KIF1A: variants seen among roughly 807,000 people sequenced by gnomAD.
KIF1A encodes kinesin family member 1A.
Under a neutral mutation model 227.3 loss-of-function variants are expected in KIF1A, and 46 were observed. The observed-to-expected ratio is 0.20, with a 90% CI of 0.16 to 0.26. The LOEUF is 0.26. Ranked by LOEUF, KIF1A falls within the 10% of genes least tolerant of loss-of-function variation. KIF1A has a pLI of 1.00. For synonymous variants in KIF1A, 1,022 were observed against 1,012.8 expected (o/e 1.01, Z -0.17); for missense variants, 1,683 against 2,485.9 (o/e 0.68, Z 6.87).
In KIF1A at chr2:240,797,762, C is replaced by A. The variant is rs2056564637; in HGVS notation, c.-10G>T. 3 of 1,590,822 alleles carry A rather than the reference C, an allele frequency of 1.9e-6. No individual in the cohort carries two copies. Among genetic ancestry groups the A allele is most frequent in the Non-Finnish European group, 2.6e-6 (3 of 1,164,284 alleles). On this transcript the variant is annotated 5_prime_UTR_variant, in exon 2 of 49. It adds an upstream start codon to the 5' untranslated region. Coordinates refer to ENST00000498729, the MANE Select transcript of KIF1A (RefSeq NM_001244008.2). The stretch of plus-strand genomic sequence containing the variant: ...CCGAAGCCCCGGCCATCTCTGTGGC[C>A]TTCGTGGGTCACTCCTCGCAGTAGT...
intron 1 of KIF1A, among the ~76,000 whole-genome samples, chr2:240,802,694 T>C (rs1028856451): frequency 3.3e-5 from 5 of 152,228 alleles, no homozygotes; most frequent in African/African-American, 1.2e-4. Flanking sequence ...TTCAGTGGCA[T>C]GATCTTAGCT....
rs569548781 is a variant in KIF1A, at chr2:240,721,925, C to T, written c.4666-41G>A. On this transcript the variant is annotated intron_variant, in intron 43 of 48. Transcript: ENST00000498729. The stretch of plus-strand genomic sequence containing the variant: ...ACGCGTGGTCAGGGGCCAGGCCTCC[C>T]GGGACCCTGCTCAGACAGCCTTGCA... 1.8e-5 allele frequency: 28 copies of T among 1,527,996 alleles called. No homozygotes were observed. The South Asian group carries it at 2.3e-4, about 13-fold the overall frequency. 94.7% of individuals were successfully genotyped at this position (1,527,996 alleles called of 1,614,324 possible).
At chr2:240,819,837 G>T (rs567942388) in intron 1 of KIF1A, among the ~76,000 whole-genome samples, 2 of 152,296 alleles carry the variant, frequency 1.3e-5, no homozygotes, top group African/African-American at 4.8e-5. Flanking sequence ...CGCCTAAGCC[G>T]AGGGTCCCGC....
In KIF1A at chr2:240,726,985, T is replaced by C; in HGVS notation, c.4008-45A>G. 2.5e-6 allele frequency: 3 copies of C among 1,213,252 alleles called. No homozygotes were observed. Among genetic ancestry groups the C allele is most frequent in the South Asian group, 1.3e-5 (1 of 75,662 alleles). 75.2% of individuals were successfully genotyped at this position (1,213,252 alleles called of 1,614,324 possible). On this transcript the variant is annotated intron_variant, in intron 38 of 48. Transcript: ENST00000498729. The surrounding 1 kb of genome is among the most constrained non-coding windows in gnomAD (Gnocchi z 5.2). ...AAGTAGAAGTTGATGGCGTGGGGGC[T>C]GCTTTCAGCCAGGCCGGGGACATGC...
Position 240,725,227 on chromosome 2 carries a change from G to T in KIF1A, c.4256+44C>A. The T allele has an allele frequency of 6.4e-7, 1 of 1,563,612 alleles. No homozygotes were observed. Among genetic ancestry groups the T allele is most frequent in the South Asian group, 1.2e-5 (1 of 85,286 alleles). Reference sequence around the variant, plus strand: ...CAGAGCCCTGCCTGGCCCGCACCGAGACCAGGGTGGGAGTCCATGTGGTCC... The same window carrying T: ...CAGAGCCCTGCCTGGCCCGCACCGATACCAGGGTGGGAGTCCATGTGGTCC... On this transcript the variant is annotated intron_variant, in intron 40 of 48. Coordinates refer to ENST00000498729, the MANE Select transcript of KIF1A (RefSeq NM_001244008.2). The surrounding 1 kb of genome is among the most constrained non-coding windows in gnomAD (Gnocchi z 5.8).
intron 8 of KIF1A, among the ~76,000 whole-genome samples, chr2:240,783,451 G>A (rs1338731364): frequency 5.3e-5 from 8 of 152,234 alleles, no homozygotes; most frequent in Non-Finnish European, 1.0e-4. Context: ...CTTCCCGGGT[G>A]GTGCCCCAAT....
chr2:240,730,268 G>A (rs1332744309), intron 38 of KIF1A, among the ~76,000 whole-genome samples: 7 of 152,224 alleles, frequency 4.6e-5, no homozygotes, highest in East Asian at 3.9e-4. Flanking sequence ...GGGGCCCACC[G>A]GGCTTGCAGG....
chr2:240,769,718 G>A lies in KIF1A; in HGVS notation c.1342-12C>T, dbSNP rs922139183. On this transcript the variant is annotated splice_polypyrimidine_tract_variant and intron_variant, in intron 15 of 48. Coordinates refer to ENST00000498729, the MANE Select transcript of KIF1A (RefSeq NM_001244008.2). ...ATCTTCTCTGTTTCCTGGGGATTGA[G>A]GCAGAGCACAGTGAGCTGCCGGGGC... The A allele has an allele frequency of 1.2e-6, 2 of 1,612,118 alleles. No individual in the cohort carries two copies. The highest frequency in any genetic ancestry group is 1.7e-6 in the Non-Finnish European group (2 of 1,178,842).
At chr2:240,722,305 G>A (rs1236233025) in intron 43 of KIF1A, 151 bp downstream of exon 43, 1 of 717,238 alleles carries the variant, frequency 1.4e-6, no homozygotes, top group Admixed American at 2.9e-5. Context: ...CAGTGGGCAA[G>A]GGGACCCTAG....
intron 1 of KIF1A, among the ~76,000 whole-genome samples, chr2:240,817,199 G>C (rs528613268): frequency 6.6e-6 from 1 of 152,202 alleles, no homozygotes; most frequent in African/African-American, 2.4e-5. Context: ...CAGGCCCAAC[G>C]CTGCCTGGCT....
rs67736580 is a variant in KIF1A, at chr2:240,766,722, ATCTCTCTC to A, written c.1684+185_1684+192del. ...CCCAAATATCTCTCTCTCTCTCCAA[ATCTCTCTC>A]TCTCTCTCTCTCTCTCTCTCACACA... is the stretch of plus-strand genomic sequence containing the variant. On this transcript the variant is annotated intron_variant, in intron 19 of 48. Coordinates refer to ENST00000498729, the MANE Select transcript of KIF1A (RefSeq NM_001244008.2). This position sits in a 1 kb window ranked among gnomAD's most constrained non-coding sequence, Gnocchi z 5.0. Among the ~76,000 whole-genome samples, 48 of 122,588 alleles carry A rather than the reference ATCTCTCTC, an allele frequency of 3.9e-4. No homozygotes were observed. The highest frequency in any genetic ancestry group is 7.9e-4 in the South Asian group (3 of 3,786). 80.4% of individuals were successfully genotyped at this position (122,588 alleles called of 152,430 possible).
chr2:240,739,284 G>T lies in KIF1A; in HGVS notation c.3901+774C>A, dbSNP rs150373066. Among the ~76,000 whole-genome samples the T allele has an allele frequency of 6.6e-6, 1 of 152,310 alleles. No individual in the cohort carries two copies. Among genetic ancestry groups the T allele is most frequent in the East Asian group, 1.9e-4 (1 of 5,182 alleles). The stretch of plus-strand genomic sequence containing the variant: ...TGAATGGATGACTGTCTGCCTCCTT[G>T]AATGAAAACTGAGAAGACAAATTCT... On this transcript the variant is annotated intron_variant, in intron 37 of 48. Transcript: ENST00000498729. The surrounding 1 kb of genome is among the most constrained non-coding windows in gnomAD (Gnocchi z 5.6).
chr2:240,769,840 A>T, intron 15 of KIF1A, 134 bp from the exon 16 acceptor site: 1 of 633,750 alleles, frequency 1.6e-6, no homozygotes, highest in Non-Finnish European at 2.8e-6. Flanking sequence ...GCAACGAGGC[A>T]TCCAGAAGAC....
chr2:240,807,290 T>G (rs1008765548), intron 1 of KIF1A, among the ~76,000 whole-genome samples: 4 of 152,068 alleles, frequency 2.6e-5, no homozygotes, highest in Admixed American at 6.5e-5. Flanking sequence ...CCACTAGGCA[T>G]GCACCACCAT....
rs1575580574 is a variant in KIF1A at position 240,756,781 on chromosome 2, C to T, written c.2858+538G>A. 4.6e-5 allele frequency among the ~76,000 whole-genome samples: 7 copies of T among 152,344 alleles called. No homozygotes were observed. The South Asian group carries it at 1.4e-3, about 32-fold the overall frequency. ...CTTTCCCCAAAGAGAGTGGAGAGCA[C>T]TGAGAGCAGCCGGGAGCCTCTGTCT... On this transcript the variant is annotated intron_variant, in intron 27 of 48. Coordinates refer to ENST00000498729, the MANE Select transcript of KIF1A (RefSeq NM_001244008.2).
At chr2:240,722,923 G>A (rs1276007593) in intron 42 of KIF1A, among the ~76,000 whole-genome samples, 7 of 152,192 alleles carry the variant, frequency 4.6e-5, no homozygotes, top group Admixed American at 2.6e-4. Context: ...TCCATCTCAC[G>A]CGCCAGGTTC....
intron 7 of KIF1A, 45 bp from the exon 8 acceptor site, chr2:240,783,861 G>A (rs192506320): frequency 5.7e-5 from 82 of 1,426,478 alleles, no homozygotes; most frequent in Non-Finnish European, 7.4e-5. Flanking sequence ...CACAAGATGC[G>A]CGGGGGCATC....
intron 5 of KIF1A, among the ~76,000 whole-genome samples, chr2:240,786,834 G>GCCACCATCAGGA (rs1553638780): frequency 1.4e-4 from 21 of 148,590 alleles, no homozygotes; most frequent in Non-Finnish European, 2.1e-4. Flanking sequence ...GAGGGTGGGG[G>GCCACCATCAGGA]CTGCCTGCTG....
rs1312845315 is a variant in KIF1A, at chr2:240,739,201, G to T, written c.3901+857C>A. 6.6e-6 allele frequency among the ~76,000 whole-genome samples: 1 copy of T among 152,238 alleles called. No homozygotes were observed. Among genetic ancestry groups the T allele is most frequent in the Admixed American group, 6.5e-5 (1 of 15,288 alleles). ...TGACCTTGAGCAGCCACCCAGCCCG[G>T]CCATGGCAATGTCTGGGGCAAGGCA... On this transcript the variant is annotated intron_variant, in intron 37 of 48. Coordinates refer to ENST00000498729, the MANE Select transcript of KIF1A (RefSeq NM_001244008.2). The surrounding 1 kb of genome is among the most constrained non-coding windows in gnomAD (Gnocchi z 5.6).
Sources: gnomAD v4.1 joint callset for allele counts (sites outside exome capture counted in the v4.1 genomes callset) on GRCh38, gnomAD v4.1.1 for gene constraint, Gnocchi (gnomAD v3.1) non-coding constraint, MANE v1.5 for transcripts, NCBI Gene and HGNC (gene_info 2026-07-23, HGNC 2026-07-21) for gene names.